The following MTMR6 variants were observed in gnomAD, a reference collection of about 807,000 sequenced individuals.
MTMR6 encodes the protein phosphatidylinositol-3,5-bisphosphate 3-phosphatase MTMR6.
Under a neutral mutation model 80.1 loss-of-function variants are expected in MTMR6, and 47 were observed. The ratio of observed to expected loss-of-function variants is 0.59; its 90% CI spans 0.46 to 0.75. The LOEUF (loss-of-function observed/expected upper bound fraction) is 0.75. Ranked by LOEUF, MTMR6 falls within the 30% of genes least tolerant of loss-of-function variation. The pLI, the probability that MTMR6 is intolerant of heterozygous loss-of-function variation, is 0.00. For synonymous variants in MTMR6, 254 were observed against 253.0 expected, an observed-to-expected ratio of 1.00 and a Z score of -0.04; for missense variants, 629 against 730.9, an observed-to-expected ratio of 0.86 and a Z score of 1.61.
Position 25,253,748 on chromosome 13 carries a change from A to G in MTMR6, c.1346+16T>C. 6.2e-7 allele frequency: 1 copy of G among 1,608,774 alleles called. No individual in the cohort carries two copies. On this transcript the variant is annotated intron_variant, in intron 11 of 13. Coordinates refer to ENST00000381801, the MANE Select transcript of MTMR6 (RefSeq NM_004685.5). ...AGTAGGGGGAAAAGGAGACTCTTTT[A>G]ATTGAATCATCTTACTTGAGCTCTT...
intron 6 of MTMR6, among the ~76,000 whole-genome samples, chr13:25,261,117 G>T (rs376412719): frequency 2.9e-4 from 44 of 151,808 alleles, no homozygotes; most frequent in Admixed American, 7.2e-4. Context: ...AGACCAGCCT[G>T]GTCAACATGG....
chr13:25,287,212 G>A lies in MTMR6; in HGVS notation c.24+12C>T. The A allele has an allele frequency of 6.3e-7, 1 of 1,595,236 alleles. No homozygotes were observed. Among genetic ancestry groups the A allele is most frequent in the Non-Finnish European group, 8.5e-7 (1 of 1,173,966 alleles). On this transcript the variant is annotated intron_variant, in intron 1 of 13. Transcript: ENST00000381801. Reference sequence around the variant, plus strand: ...AGGGCCCCTGAAGACTGGCGATCCCGCGCCCGACTACCTTGGTCGTCCGGA... The same window carrying A: ...AGGGCCCCTGAAGACTGGCGATCCCACGCCCGACTACCTTGGTCGTCCGGA...
At chr13:25,285,219 A>G (rs576257695) in intron 1 of MTMR6, among the ~76,000 whole-genome samples, 186 of 152,320 alleles carry the variant, frequency 1.2e-3, no homozygotes, top group Non-Finnish European at 2.2e-3. Context: ...CAACTCTACA[A>G]ATAAAAACAA....
At chr13:25,252,416 G>A (rs1273029496) in intron 11 of MTMR6, among the ~76,000 whole-genome samples, 1 of 152,212 alleles carries the variant, frequency 6.6e-6, no homozygotes, top group African/African-American at 2.4e-5. Context: ...ACGTAAGTGT[G>A]AGTGGGTACA....
chr13:25,269,349 C>T (rs1957519967), intron 2 of MTMR6, among the ~76,000 whole-genome samples: 1 of 152,124 alleles, frequency 6.6e-6, no homozygotes, highest in Admixed American at 6.5e-5. Flanking sequence ...TAAGAGTTTA[C>T]TAAATGAATG....
At position 25,260,587 on chromosome 13, in the gene MTMR6, T is replaced by C. The variant is rs1052273401; in HGVS notation, c.726+1081A>G. On this transcript the variant is annotated intron_variant, in intron 6 of 13. Transcript: ENST00000381801. Reference sequence around the variant, plus strand: ...TATATTGCTCACTCGCTTTTTCTCATTGCTTTCTCTTATTTTCTCATCATT... The same window carrying C: ...TATATTGCTCACTCGCTTTTTCTCACTGCTTTCTCTTATTTTCTCATCATT... 3.0e-5 allele frequency: 38 copies of C among 1,282,908 alleles called. No homozygotes were observed. In the African/African-American group the frequency reaches 3.4e-4, roughly 11 times the overall value. The allele number at this position is 1,282,908 out of a possible 1,614,324, so 79.5% of individuals were successfully genotyped here.
At chr13:25,275,231 A>G (rs1235622802) in intron 1 of MTMR6, among the ~76,000 whole-genome samples, 1 of 151,624 alleles carries the variant, frequency 6.6e-6, no homozygotes. Context: ...GTTCAAGACC[A>G]GCCTGGCCAA....
Position 25,263,725 on chromosome 13 carries a change from A to C in MTMR6, c.592-1923T>G, listed in dbSNP as rs372191685. ...AAATGGTGAAACCCAATCTCTACTA[A>C]AAATATAAAAATTAGCCAGGCATGG... On this transcript the variant is annotated intron_variant, in intron 5 of 13. Coordinates refer to ENST00000381801, the MANE Select transcript of MTMR6 (RefSeq NM_004685.5). Among the ~76,000 whole-genome samples, 386 of 152,248 alleles carry C rather than the reference A, an allele frequency of 2.5e-3. 1 individual carries two copies. The highest frequency in any genetic ancestry group is 8.7e-3 in the African/African-American group (363 of 41,512).
Position 25,258,579 on chromosome 13 carries a change from G to A in MTMR6, c.840C>T (p.Ser280=). Reference sequence around the variant, plus strand: ...ATATACCTTCCAATAATTTCTGAAGGCTGGACCTCATGACATGAATATTTT... The same window carrying A: ...ATATACCTTCCAATAATTTCTGAAGACTGGACCTCATGACATGAATATTTT... ...GIENIHVMRS[S]LQKLLEVNGT... Residue 280 remains serine, a synonymous_variant, in exon 7 of 14, where the codon AGC becomes AGT. Transcript: ENST00000381801. The A allele has an allele frequency of 5.6e-6, 9 of 1,593,030 alleles. No individual in the cohort carries two copies. Among genetic ancestry groups the A allele is most frequent in the Non-Finnish European group, 7.7e-6 (9 of 1,174,358 alleles).
chr13:25,279,083 A>G (rs1957787464), intron 1 of MTMR6, among the ~76,000 whole-genome samples: 1 of 152,212 alleles, frequency 6.6e-6, no homozygotes, highest in African/African-American at 2.4e-5. Flanking sequence ...AAGGACAATA[A>G]TCTCTTTTCA....
chr13:25,257,371 A>G, intron 8 of MTMR6, 50 bp from the exon 9 acceptor site: 2 of 1,591,368 alleles, frequency 1.3e-6, no homozygotes, highest in Non-Finnish European at 1.7e-6. Flanking sequence ...GTAAACCAAT[A>G]AATTCTACTT....
intron 3 of MTMR6, 89 bp from the exon 4 acceptor site, chr13:25,266,375 T>C: frequency 8.7e-7 from 1 of 1,144,456 alleles, no homozygotes; most frequent in Non-Finnish European, 1.2e-6. Flanking sequence ...TCTTCCTTCA[T>C]TTTTCTCTTT....
At chr13:25,286,795 T>A (rs947298881) in intron 1 of MTMR6, among the ~76,000 whole-genome samples, 24 of 152,094 alleles carry the variant, frequency 1.6e-4, no homozygotes, top group Non-Finnish European at 3.1e-4. Context: ...TGTGAATCTG[T>A]GACACGGGAC....
intron 2 of MTMR6, among the ~76,000 whole-genome samples, chr13:25,273,038 A>C (rs1957616766): frequency 6.6e-6 from 1 of 152,168 alleles, no homozygotes; most frequent in African/African-American, 2.4e-5. Flanking sequence ...ATAAAAAAAG[A>C]AAAGGAAACT....
intron 9 of MTMR6, among the ~76,000 whole-genome samples, chr13:25,255,813 C>T (rs1485877376): frequency 3.3e-5 from 5 of 152,162 alleles, no homozygotes; most frequent in African/African-American, 7.2e-5. Context: ...TGAGCCACTG[C>T]GCCCAGCCAC....
intron 6 of MTMR6, chr13:25,260,757 C>A: frequency 1.5e-6 from 1 of 651,888 alleles, no homozygotes; most frequent in Non-Finnish European, 2.1e-6. Context: ...TTTCAGGATC[C>A]TATATGAACT....
chr13:25,265,785 C>T (rs1957440940), intron 5 of MTMR6, 34 bp downstream of exon 5: 2 of 1,571,282 alleles, frequency 1.3e-6, no homozygotes, highest in African/African-American at 2.7e-5. Context: ...ATGAGTTATA[C>T]TTTATTTCTA....
At chr13:25,258,407 TTATAA>T (rs540184600) in intron 7 of MTMR6, among the ~76,000 whole-genome samples, 148 bp downstream of exon 7, 24 of 152,276 alleles carry the variant, frequency 1.6e-4, no homozygotes, top group African/African-American at 5.8e-4. Flanking sequence ...AAAATAATGT[TTATAA>T]TATATTAAGT....
At chr13:25,274,939 G>GACAGACACACACACACACACATACAC (rs141646990) in intron 1 of MTMR6, among the ~76,000 whole-genome samples, 2 of 42,968 alleles carry the variant, frequency 4.7e-5, no homozygotes, top group Non-Finnish European at 6.4e-5. Context: ...CTAGTAGACA[G>GACAGACACACACACACACACATACAC]ACACACACAC....
Sources: gnomAD v4.1 joint callset for allele counts (sites outside exome capture counted in the v4.1 genomes callset) on GRCh38, gnomAD v4.1.1 for gene constraint, MANE v1.5 for transcripts, NCBI Gene and HGNC (gene_info 2026-07-23, HGNC 2026-07-21) for gene names.